Variants in ALDH5A1 observed in about 807,000 individuals in gnomAD.
ALDH5A1 encodes the protein aldehyde dehydrogenase 5 family member A1.
ALDH5A1 carries 33 observed loss-of-function variants against 54.7 expected under a neutral mutation model. The ratio of observed to expected loss-of-function variants is 0.60; its 90% CI spans 0.46 to 0.81. The LOEUF is 0.81. Among genes scored for constraint, ALDH5A1 ranks in the 30% least tolerant of loss-of-function variants. The pLI, the probability that ALDH5A1 is intolerant of heterozygous loss-of-function variation, is 0.00. For missense variants in ALDH5A1, 657 were observed against 711.0 expected (o/e 0.92, Z 0.86); for synonymous variants, 294 against 292.7 (o/e 1.00, Z -0.05).
rs1214862477 is a variant in ALDH5A1, at chr6:24,528,225, C to T, written c.1343+59C>T. 9 of 1,593,118 alleles carry T rather than the reference C, an allele frequency of 5.6e-6. No homozygotes were observed. In the African/African-American group the frequency reaches 1.2e-4, roughly 21 times the overall value. ...AAGAATAGAAGAGAACATAGGAAAC[C>T]CTGAAAGAGATTCCTGGGCTGCTTT... On this transcript the variant is annotated intron_variant, in intron 8 of 9. Transcript: ENST00000357578.
At chr6:24,521,951 C>G (rs1012608284) in intron 6 of ALDH5A1, among the ~76,000 whole-genome samples, 5 of 150,724 alleles carry the variant, frequency 3.3e-5, no homozygotes, top group Admixed American at 6.6e-5. Context: ...ACTGCAACCT[C>G]CACCTCCCGG....
At chr6:24,508,091 G>A (rs1012917293) in intron 4 of ALDH5A1, among the ~76,000 whole-genome samples, 19 of 151,936 alleles carry the variant, frequency 1.3e-4, no homozygotes, top group African/African-American at 4.6e-4. Context: ...CAGGCCAGGC[G>A]CGGTGGCTCA....
chr6:24,513,452 T>A (rs184380503), intron 4 of ALDH5A1, among the ~76,000 whole-genome samples: 1 of 152,222 alleles, frequency 6.6e-6, no homozygotes, highest in South Asian at 2.1e-4. Flanking sequence ...TTCTGAACTT[T>A]TGGAAGAAGG....
intron 1 of ALDH5A1, among the ~76,000 whole-genome samples, chr6:24,499,104 A>T (rs1271425532): frequency 6.9e-6 from 1 of 144,874 alleles, no homozygotes; most frequent in Non-Finnish European, 1.5e-5. Context: ...TCTGTCTCAA[A>T]AAAAAAAAAA....
chr6:24,523,167 C>T (rs1372525481), intron 7 of ALDH5A1, among the ~76,000 whole-genome samples: 1 of 151,794 alleles, frequency 6.6e-6, no homozygotes, highest in Non-Finnish European at 1.5e-5. Context: ...TGAACGTTCC[C>T]AGTATAAAGA....
chr6:24,525,309 T>C (rs751853804), intron 7 of ALDH5A1, among the ~76,000 whole-genome samples: 3 of 152,146 alleles, frequency 2.0e-5, no homozygotes, highest in Non-Finnish European at 4.4e-5. Flanking sequence ...TGATGCACTA[T>C]GAGAGCATTG....
At chr6:24,502,843 C>A (rs1234603860) in intron 2 of ALDH5A1, among the ~76,000 whole-genome samples, 1 of 151,224 alleles carries the variant, frequency 6.6e-6, no homozygotes, top group African/African-American at 2.4e-5. Context: ...TTGTTTGCAA[C>A]TATATGAATA....
At chr6:24,520,711 T>C (rs1229081939) in intron 6 of ALDH5A1, among the ~76,000 whole-genome samples, 167 bp downstream of exon 6, 2 of 152,156 alleles carry the variant, frequency 1.3e-5, no homozygotes, top group Non-Finnish European at 2.9e-5. Flanking sequence ...AGGAAACTTT[T>C]GGGTTCCTTC....
At chr6:24,526,712 G>A (rs1253318778) in intron 7 of ALDH5A1, among the ~76,000 whole-genome samples, 2 of 150,980 alleles carry the variant, frequency 1.3e-5, no homozygotes, top group Non-Finnish European at 2.9e-5. Flanking sequence ...GGAAAATGGA[G>A]GAAGTGACAT....
intron 3 of ALDH5A1, among the ~76,000 whole-genome samples, chr6:24,504,404 G>A (rs1182237247): frequency 6.6e-6 from 1 of 152,158 alleles, no homozygotes; most frequent in Non-Finnish European, 1.5e-5. Context: ...CAAAACCATT[G>A]CTAATACTTA....
Position 24,523,240 on chromosome 6 carries a change from G to C in ALDH5A1, c.1173+315G>C, listed in dbSNP as rs1003541865. On this transcript the variant is annotated intron_variant, in intron 7 of 9. Coordinates refer to ENST00000357578, the MANE Select transcript of ALDH5A1 (RefSeq NM_001080.3). Reference sequence around the variant, plus strand: ...CCTGATTAGAGTATAGAGTATGAGAGATCTACATCTATACATGGAATCGAA... The same window carrying C: ...CCTGATTAGAGTATAGAGTATGAGACATCTACATCTATACATGGAATCGAA... Among the ~76,000 whole-genome samples, 11 of 151,252 alleles carry C rather than the reference G, an allele frequency of 7.3e-5. 1 individual carries two copies. In the South Asian group the frequency reaches 1.9e-3, roughly 26 times the overall value.
At position 24,508,361 on chromosome 6, in the gene ALDH5A1, C is replaced by CAAAAAAAAAAAAAAAAA. The variant is rs1214819272; in HGVS notation, c.726+3387_726+3403dup. Among the ~76,000 whole-genome samples, 26 of 13,052 alleles carry CAAAAAAAAAAAAAAAAA rather than the reference C, an allele frequency of 2.0e-3. 3 individuals carry two copies. The highest frequency in any genetic ancestry group is 4.7e-3 in the African/African-American group (19 of 4,034). The allele number at this position is 13,052 out of a possible 152,430, so 8.6% of individuals were successfully genotyped here. ...AGGTGACAGAGCAAGACTCCATCTC[C>CAAAAAAAAAAAAAAAAA]AAAAAAAAAAAAAAAAAAAAAAAAA... On this transcript the variant is annotated intron_variant, in intron 4 of 9. Coordinates refer to ENST00000357578, the MANE Select transcript of ALDH5A1 (RefSeq NM_001080.3).
rs569753974 is a variant in ALDH5A1, at chr6:24,528,249, T to C, written c.1343+83T>C. On this transcript the variant is annotated intron_variant, in intron 8 of 9. Coordinates refer to ENST00000357578, the MANE Select transcript of ALDH5A1 (RefSeq NM_001080.3). ...CCCTGAAAGAGATTCCTGGGCTGCTTTGAGGTCTGGCCAGGAGGCAGACAG... is the reference window on the plus strand; with the variant it reads ...CCCTGAAAGAGATTCCTGGGCTGCTCTGAGGTCTGGCCAGGAGGCAGACAG... The C allele has an allele frequency of 3.6e-5, 55 of 1,546,338 alleles. 1 individual carries two copies. The East Asian group carries it at 8.3e-4, about 23-fold the overall frequency.
Position 24,502,270 on chromosome 6 carries a change from T to G in ALDH5A1, c.355-253T>G, listed in dbSNP as rs2744582. On this transcript the variant is annotated intron_variant, in intron 1 of 9. Transcript: ENST00000357578. ...GATTGGATGATACCCACCTGAATTT[T>G]TGAAGGCAAATCTTCTTTATTCAGT... Among the ~76,000 whole-genome samples the G allele has an allele frequency of 0.9, 137,362 of 152,216 alleles. 62,735 individuals carry two copies. The highest frequency in any genetic ancestry group is 0.98 in the African/African-American group (40,748 of 41,540).
At chr6:24,507,371 A>G (rs1337569118) in intron 4 of ALDH5A1, among the ~76,000 whole-genome samples, 1 of 151,804 alleles carries the variant, frequency 6.6e-6, no homozygotes. Flanking sequence ...TTCTTCTGAT[A>G]TAAAGCATTG....
intron 1 of ALDH5A1, among the ~76,000 whole-genome samples, chr6:24,501,384 T>G (rs377299826): frequency 1.3e-5 from 2 of 152,224 alleles, no homozygotes; most frequent in African/African-American, 4.8e-5. Context: ...GAAGGAACTC[T>G]CCACAGGGCT....
chr6:24,515,018 A>T, intron 4 of ALDH5A1, 149 bp from the exon 5 acceptor site: 1 of 775,628 alleles, frequency 1.3e-6, no homozygotes. Flanking sequence ...TTTAAACTTC[A>T]AATATATTCT....
rs568910906 is a variant in ALDH5A1 at position 24,518,237 on chromosome 6, C to T, written c.871-2164C>T. 1.1e-4 allele frequency among the ~76,000 whole-genome samples: 17 copies of T among 152,336 alleles called. No homozygotes were observed. The highest frequency in any genetic ancestry group is 4.1e-4 in the African/African-American group (17 of 41,576). On this transcript the variant is annotated intron_variant, in intron 5 of 9. Coordinates refer to ENST00000357578, the MANE Select transcript of ALDH5A1 (RefSeq NM_001080.3). This position sits in a 1 kb window ranked among gnomAD's most constrained non-coding sequence, Gnocchi z 4.2. The stretch of plus-strand genomic sequence containing the variant: ...AAAAAGAAAAAGAAAGAAAGGTAGG[C>T]TGGGCCAATCACATGCTGTCTTTGG...
intron 8 of ALDH5A1, among the ~76,000 whole-genome samples, chr6:24,529,271 AT>A (rs1275527415): frequency 6.6e-6 from 1 of 151,582 alleles, no homozygotes; most frequent in African/African-American, 2.4e-5. Flanking sequence ...GGTTCAAGCG[AT>A]TCTCTTGCCT....
Sources: gnomAD v4.1 joint callset for allele counts (sites outside exome capture counted in the v4.1 genomes callset) on GRCh38, gnomAD v4.1.1 for gene constraint, Gnocchi (gnomAD v3.1) non-coding constraint, MANE v1.5 for transcripts, NCBI Gene and HGNC (gene_info 2026-07-23, HGNC 2026-07-21) for gene names.